Variants in ERCC3 observed in about 807,000 individuals in gnomAD.
ERCC3 encodes the protein general transcription and DNA repair factor IIH helicase/translocase subunit XPB.
In ERCC3, 66 loss-of-function variants were observed where a neutral mutation model predicts 94.2. That is an observed-to-expected ratio of 0.70 (90% CI 0.57 to 0.86). ERCC3 has a LOEUF of 0.86. Ranked by LOEUF, ERCC3 falls within the 40% of genes least tolerant of loss-of-function variation. The pLI is 0.00. For synonymous variants in ERCC3, 349 were observed against 369.1 expected (o/e 0.95, Z 0.63); for missense variants, 829 against 987.1 (o/e 0.84, Z 2.15).
intron 1 of ERCC3, 38 bp downstream of exon 1, chr2:127,294,016 G>A: frequency 1.2e-6 from 2 of 1,601,472 alleles, no homozygotes; most frequent in South Asian, 2.2e-5. Context: ...GGGCCGGCAA[G>A]GGCAGTCGTG....
rs1685168934 is a variant in ERCC3 at position 127,288,864 on chromosome 2, C to T, written c.823G>A (p.Glu275Lys). 5 of 1,612,396 alleles carry T rather than the reference C, an allele frequency of 3.1e-6. No individual in the cohort carries two copies. The highest frequency in any genetic ancestry group is 1.7e-4 in the Middle Eastern group (1 of 5,794). The change falls in exon 7 of 15, where the codon GAA (glutamate) becomes AAA (lysine). Residue 275 changes from glutamate to lysine, a missense_variant and splice_region_variant. By Grantham distance (56) the Glu-to-Lys change is moderately conservative. Transcript: ENST00000285398. The part of the protein sequence containing the change: ...TQTVSFEVKQ[E>K]MIEELQKRCI... ...CGTTTCTGGAGTTCCTCAATCATTT[C>T]CTGGAAAGAGGGCACAAAAGGGGTT... is the stretch of plus-strand genomic sequence containing the variant.
At position 127,280,733 on chromosome 2, in the gene ERCC3, C is replaced by T; in HGVS notation, c.1343-102G>A. ...GTAGAGATGGGGTCTCATTATATTG[C>T]CCAGGCTGGTCTTGAACTCCTGGCC... On this transcript the variant is annotated intron_variant, in intron 8 of 14. Coordinates refer to ENST00000285398, the MANE Select transcript of ERCC3 (RefSeq NM_000122.2). The surrounding 1 kb of genome is among the most constrained non-coding windows in gnomAD (Gnocchi z 6.3). The T allele has an allele frequency of 8.9e-7, 1 of 1,119,204 alleles. No individual in the cohort carries two copies. The highest frequency in any genetic ancestry group is 1.3e-6 in the Non-Finnish European group (1 of 765,286). The allele number at this position is 1,119,204 out of a possible 1,614,324, so 69.3% of individuals were successfully genotyped here.
intron 8 of ERCC3, among the ~76,000 whole-genome samples, chr2:127,285,037 C>T (rs898995272): frequency 3.3e-5 from 5 of 152,052 alleles, no homozygotes; most frequent in African/African-American, 4.8e-5. Flanking sequence ...AAAAAAGATT[C>T]GCCCAAAAAA....
At chr2:127,276,456 ACGG>A (rs1684737909) in intron 10 of ERCC3, among the ~76,000 whole-genome samples, 1 of 152,216 alleles carries the variant, frequency 6.6e-6, no homozygotes, top group Admixed American at 6.5e-5. Flanking sequence ...CAGGAAACAG[ACGG>A]AAGCTTCAAA....
rs374683872 is a variant in ERCC3 at position 127,272,987 on chromosome 2, AC to A, written c.1731-27del. The A allele has an allele frequency of 1.8e-4, 244 of 1,388,234 alleles. 2 individuals are homozygous for A. The African/African-American group carries it at 3.0e-3, about 17-fold the overall frequency. The allele number at this position is 1,388,234 out of a possible 1,614,324, so 86.0% of individuals were successfully genotyped here. On this transcript the variant is annotated intron_variant, in intron 10 of 14. Coordinates refer to ENST00000285398, the MANE Select transcript of ERCC3 (RefSeq NM_000122.2). ...CTAGAGAAGAATGAAGCTGTGTTAG[AC>A]CACAGAATAATGCCTCAGTTATCTT...
chr2:127,283,451 A>G (rs1302204096), intron 8 of ERCC3, among the ~76,000 whole-genome samples: 1 of 152,202 alleles, frequency 6.6e-6, no homozygotes, highest in African/African-American at 2.4e-5. Context: ...GTAGTGTTCC[A>G]GTGTATGGAT....
At chr2:127,286,628 T>A in intron 8 of ERCC3, 75 bp downstream of exon 8, 1 of 1,415,936 alleles carries the variant, frequency 7.1e-7, no homozygotes, top group East Asian at 2.3e-5. Flanking sequence ...TACACAGCAG[T>A]CCCTTTCCCA....
intron 10 of ERCC3, among the ~76,000 whole-genome samples, chr2:127,278,490 C>A (rs1446731958): frequency 1.3e-5 from 2 of 152,054 alleles, no homozygotes; most frequent in African/African-American, 4.8e-5. Context: ...AAAATGGGAA[C>A]AACATTTTAT....
chr2:127,264,090 G>A lies in ERCC3; in HGVS notation c.1946-2744C>T, dbSNP rs1219884375. ...GTTGGCTGTGAGTTTGTCATAGATGGCTTTTATTATTGTGAGATATGTTCC... is the reference window on the plus strand; with the variant it reads ...GTTGGCTGTGAGTTTGTCATAGATGACTTTTATTATTGTGAGATATGTTCC... On this transcript the variant is annotated intron_variant, in intron 12 of 14. Coordinates refer to ENST00000285398, the MANE Select transcript of ERCC3 (RefSeq NM_000122.2). This position sits in a 1 kb window ranked among gnomAD's most constrained non-coding sequence, Gnocchi z 4.4. 6.6e-6 allele frequency among the ~76,000 whole-genome samples: 1 copy of A among 152,194 alleles called. No individual in the cohort carries two copies. Among genetic ancestry groups the A allele is most frequent in the Non-Finnish European group, 1.5e-5 (1 of 68,036 alleles).
intron 12 of ERCC3, 192 bp from the exon 13 acceptor site, chr2:127,261,538 G>A: frequency 1.6e-6 from 1 of 611,698 alleles, no homozygotes; most frequent in Admixed American, 2.7e-5. Context: ...ACCATCAAGT[G>A]AAAAAACAAT....
chr2:127,266,842 G>A (rs1047040101), intron 12 of ERCC3, among the ~76,000 whole-genome samples: 4 of 148,456 alleles, frequency 2.7e-5, no homozygotes, highest in East Asian at 4.1e-4. Flanking sequence ...TCAGGCTCCC[G>A]AGTAGCTGGG....
rs4150520 is a variant in ERCC3 at position 127,259,715 on chromosome 2, T to C, written c.2065-267A>G. On this transcript the variant is annotated intron_variant, in intron 13 of 14. Coordinates refer to ENST00000285398, the MANE Select transcript of ERCC3 (RefSeq NM_000122.2). The surrounding 1 kb of genome is among the most constrained non-coding windows in gnomAD (Gnocchi z 4.9). ...CCAGCACACAGCATCTAAATGATCA[T>C]GTATGGAAGATCAACAGGAAGAATC... The C allele has an allele frequency of 4.7e-3, 2,308 of 487,414 alleles. 45 individuals carry two copies. Among genetic ancestry groups the C allele is most frequent in the African/African-American group, 0.042 (2,127 of 51,218 alleles). The allele number at this position is 487,414 out of a possible 1,614,324, so 30.2% of individuals were successfully genotyped here.
In ERCC3 at chr2:127,288,679, C is replaced by T. The variant is rs115924997; in HGVS notation, c.1008G>A (p.Gly336=). 731 of 1,614,092 alleles carry T rather than the reference C, an allele frequency of 4.5e-4. 9 individuals carry two copies. The African/African-American group carries it at 8.2e-3, about 18-fold the overall frequency. ...ACTTACCGCAGGGAAGAACAATGAC[C>T]CCCGAACGTGCACGCCCGTTTCCAA... The part of the protein sequence containing the change: ...KMFGNGRARS[G]VIVLPCGAGK... Residue 336 remains glycine, a synonymous_variant, in exon 7 of 15, where the codon GGG becomes GGA. Coordinates refer to ENST00000285398, the MANE Select transcript of ERCC3 (RefSeq NM_000122.2).
At position 127,293,648 on chromosome 2, in the gene ERCC3, G is replaced by A. The variant is rs907355401; in HGVS notation, c.99C>T (p.Asp33=). ...EDDEEDAPGN[D]PQEAVPSAAG... is the part of the protein sequence containing the mutation. ...CCGCCGAGGGAACCGCTTCCTGAGG[G>A]TCGTTCCCCGGGGCGTCCTCTTCAT... is the stretch of plus-strand genomic sequence containing the variant. The change falls in exon 2 of 15, where the codon GAC becomes GAT. Residue 33 remains aspartate (D), a synonymous_variant. Transcript: ENST00000285398. 2 of 1,614,146 alleles carry A rather than the reference G, an allele frequency of 1.2e-6. No homozygotes were observed. The highest frequency in any genetic ancestry group is 1.7e-6 in the Non-Finnish European group (2 of 1,180,026).
Position 127,271,386 on chromosome 2 carries a change from G to A in ERCC3, c.1895C>T (p.Ser632Phe), listed in dbSNP as rs1393523547. Residue 632 changes from serine to phenylalanine, a missense_variant, in exon 12 of 15, where the codon TCC becomes TTC. Ser to Phe is a radical substitution (Grantham distance 155, BLOSUM62 -2). Transcript: ENST00000285398. This position sits in a 1 kb window ranked among gnomAD's most constrained non-coding sequence, Gnocchi z 5.0. ...TAGCCTTTGGGCTTCCTGACGCCTGGAGCCACCATGGGATGAGATCTGAAT... is the reference window on the plus strand; with the variant it reads ...TAGCCTTTGGGCTTCCTGACGCCTGAAGCCACCATGGGATGAGATCTGAAT... Reference protein sequence around the residue: ...VLIQISSHGGSRRQEAQRLGR... With the variant: ...VLIQISSHGGFRRQEAQRLGR... 1 of 1,614,010 alleles carries A rather than the reference G, an allele frequency of 6.2e-7. No homozygotes were observed.
In ERCC3 at chr2:127,290,401, A is replaced by G. The variant is rs1250789388; in HGVS notation, c.472-128T>C. ...TTACTTTAGGGAAACCCAACTTGCA[A>G]TCCTAAAGTGGTCAGATGTGCCTAA... On this transcript the variant is annotated intron_variant, in intron 3 of 14. Transcript: ENST00000285398. 6.4e-5 allele frequency: 51 copies of G among 801,854 alleles called. 1 individual carries two copies. The South Asian group carries it at 7.0e-4, about 11-fold the overall frequency. The allele number at this position is 801,854 out of a possible 1,614,324, so 49.7% of individuals were successfully genotyped here.
chr2:127,266,527 C>T (rs372509559), intron 12 of ERCC3, among the ~76,000 whole-genome samples: 7 of 150,952 alleles, frequency 4.6e-5, no homozygotes, highest in South Asian at 2.1e-4. Flanking sequence ...TTAGTAGAGA[C>T]GGGGTTTCAC....
At chr2:127,261,625 C>T in intron 12 of ERCC3, 1 of 423,206 alleles carries the variant, frequency 2.4e-6, no homozygotes, top group Non-Finnish European at 4.4e-6. Flanking sequence ...ACTGTTGAAA[C>T]TCAACAACAA....
At chr2:127,289,216 A>T in intron 6 of ERCC3, 121 bp downstream of exon 6, 1 of 882,268 alleles carries the variant, frequency 1.1e-6, no homozygotes, top group Non-Finnish European at 1.9e-6. Flanking sequence ...GGAGAAAGCA[A>T]TTCAGGGACC....
Sources: allele counts gnomAD v4.1 joint callset (sites outside exome capture counted in the v4.1 genomes callset), GRCh38; gene constraint gnomAD v4.1.1; non-coding constraint Gnocchi (gnomAD v3.1); transcripts MANE v1.5; gene names NCBI Gene and HGNC (gene_info 2026-07-23, HGNC 2026-07-21).